ABCE1: variants seen among roughly 807,000 people sequenced by gnomAD.
The protein encoded by ABCE1 is ATP binding cassette subfamily E member 1, also known as ATP-binding cassette sub-family E member 1.
Under a neutral mutation model 83.4 loss-of-function variants are expected in ABCE1, and 22 were observed. The observed-to-expected ratio is 0.26, with a 90% CI of 0.19 to 0.38. The LOEUF (loss-of-function observed/expected upper bound fraction) is 0.38. Ranked by LOEUF, ABCE1 falls within the 10% of genes least tolerant of loss-of-function variation. The probability of loss-of-function intolerance (pLI) is 1.00; values close to 1 mark genes in which losing one functional copy is unlikely to be tolerated. For missense variants in ABCE1, 330 were observed against 721.9 expected (o/e 0.46, Z 6.22); for synonymous variants, 204 against 233.7 (o/e 0.87, Z 1.16).
chr4:145,124,906 T>TA (rs1308691634), intron 16 of ABCE1, 84 bp from the exon 17 acceptor site: 1 of 882,542 alleles, frequency 1.1e-6, no homozygotes, highest in African/African-American at 1.7e-5. Flanking sequence ...GAGGTAATAG[T>TA]AATTCTTAAT....
intron 4 of ABCE1, 102 bp downstream of exon 4, chr4:145,108,214 G>A: frequency 1.0e-6 from 1 of 961,060 alleles, no homozygotes; most frequent in Non-Finnish European, 1.6e-6. Flanking sequence ...CTATTAACCA[G>A]TCACTAAAGG....
intron 1 of ABCE1, among the ~76,000 whole-genome samples, chr4:145,102,792 TA>T (rs1003873861): frequency 1.1e-4 from 16 of 152,236 alleles, no homozygotes; most frequent in Non-Finnish European, 1.5e-4. Flanking sequence ...GGGGGTGAAC[TA>T]AAAAGATAAG....
chr4:145,110,739 G>A (rs1749447174), intron 7 of ABCE1: 2 of 545,104 alleles, frequency 3.7e-6, no homozygotes, highest in Admixed American at 3.5e-5. Context: ...TAGGATTACA[G>A]GCGTGAGCCA....
At position 145,105,059 on chromosome 4, in the gene ABCE1, C is replaced by A. The variant is rs6852390; in HGVS notation, c.103+544C>A. Among the ~76,000 whole-genome samples, 667 of 152,076 alleles carry A rather than the reference C, an allele frequency of 4.4e-3. 3 individuals carry two copies. The highest frequency in any genetic ancestry group is 0.015 in the African/African-American group (613 of 41,522). ...TACGAATGAGGCATAGAATTACTGACTCTTAGAATTACTGAAACTTAGAAA... is the reference window on the plus strand; with the variant it reads ...TACGAATGAGGCATAGAATTACTGAATCTTAGAATTACTGAAACTTAGAAA... On this transcript the variant is annotated intron_variant, in intron 2 of 17. Transcript: ENST00000296577.
chr4:145,119,116 A>T (rs1460220395), intron 10 of ABCE1, among the ~76,000 whole-genome samples: 2 of 152,018 alleles, frequency 1.3e-5, no homozygotes, highest in Non-Finnish European at 1.5e-5. Context: ...GTCAGCAAAG[A>T]TGTATTGAAC....
intron 13 of ABCE1, 148 bp downstream of exon 13, chr4:145,121,539 C>T (rs1749744458): frequency 1.6e-6 from 1 of 625,766 alleles, no homozygotes; most frequent in Non-Finnish European, 2.8e-6. Flanking sequence ...AGAGTCCAAT[C>T]CTTGATTCAT....
chr4:145,104,558 GA>G, intron 2 of ABCE1, 43 bp downstream of exon 2: 1 of 1,305,558 alleles, frequency 7.7e-7, no homozygotes, highest in Admixed American at 2.3e-5. Context: ...AGAAAACCAT[GA>G]AAGAAATCAA....
intron 3 of ABCE1, among the ~76,000 whole-genome samples, chr4:145,107,588 A>G (rs1160767200): frequency 6.6e-6 from 1 of 152,248 alleles, no homozygotes; most frequent in Non-Finnish European, 1.5e-5. Context: ...ATCAAGTTAC[A>G]GTTGACCCAT....
intron 17 of ABCE1, among the ~76,000 whole-genome samples, chr4:145,126,179 G>T (rs1473136837): frequency 6.6e-6 from 1 of 152,122 alleles, no homozygotes; most frequent in African/African-American, 2.4e-5. Flanking sequence ...CCCTACAGTT[G>T]ATTTCCTCTG....
intron 9 of ABCE1, 82 bp from the exon 10 acceptor site, chr4:145,117,211 A>G: frequency 4.2e-6 from 5 of 1,192,022 alleles, no homozygotes; most frequent in Non-Finnish European, 5.7e-6. Flanking sequence ...AAATTTTATT[A>G]GATGTATCTC....
At chr4:145,106,190 G>A (rs1345002492) in intron 3 of ABCE1, among the ~76,000 whole-genome samples, 1 of 151,852 alleles carries the variant, frequency 6.6e-6, no homozygotes, top group African/African-American at 2.4e-5. Context: ...CTCATGAATG[G>A]TGAATTTCCA....
chr4:145,124,668 G>A (rs1301774769), intron 16 of ABCE1, among the ~76,000 whole-genome samples: 1 of 152,112 alleles, frequency 6.6e-6, no homozygotes, highest in African/African-American at 2.4e-5. Context: ...TGCAATTGGA[G>A]ATTCTGTAAT....
intron 10 of ABCE1, among the ~76,000 whole-genome samples, chr4:145,119,051 A>G (rs890170038): frequency 1.3e-5 from 2 of 151,864 alleles, no homozygotes; most frequent in Non-Finnish European, 3.0e-5. Flanking sequence ...AGATAGTTTA[A>G]GATCAAAAAA....
intron 1 of ABCE1, among the ~76,000 whole-genome samples, chr4:145,100,642 T>C (rs1749123492): frequency 6.6e-6 from 1 of 152,244 alleles, no homozygotes; most frequent in Non-Finnish European, 1.5e-5. Flanking sequence ...TTTCTTCCTC[T>C]TCTAATCTTT....
intron 8 of ABCE1, among the ~76,000 whole-genome samples, chr4:145,111,606 C>T (rs770441510): frequency 2.0e-5 from 3 of 152,302 alleles, no homozygotes; most frequent in Admixed American, 6.5e-5. Flanking sequence ...GGATTACAGG[C>T]GTGAGCCACC....
Position 145,112,967 on chromosome 4 carries a change from A to G in ABCE1, c.800+639A>G, listed in dbSNP as rs146029345. Among the ~76,000 whole-genome samples, 556 of 152,226 alleles carry G rather than the reference A, an allele frequency of 3.7e-3. 1 individual carries two copies. Among genetic ancestry groups the G allele is most frequent in the Non-Finnish European group, 6.7e-3 (453 of 68,000 alleles). On this transcript the variant is annotated intron_variant, in intron 9 of 17. Coordinates refer to ENST00000296577, the MANE Select transcript of ABCE1 (RefSeq NM_002940.3). ...CCAGACCCCAGGGGTTTTTTTCTGTATAGTATTTTCTGTGTTATACTGCCT... is the reference window on the plus strand; with the variant it reads ...CCAGACCCCAGGGGTTTTTTTCTGTGTAGTATTTTCTGTGTTATACTGCCT...
At chr4:145,106,320 A>G (rs1329298111) in intron 3 of ABCE1, among the ~76,000 whole-genome samples, 1 of 152,030 alleles carries the variant, frequency 6.6e-6, no homozygotes, top group African/African-American at 2.4e-5. Flanking sequence ...CTATTGTTCA[A>G]ATAAATCGTG....
chr4:145,108,142 G>A, intron 4 of ABCE1, 30 bp downstream of exon 4: 1 of 1,581,374 alleles, frequency 6.3e-7, no homozygotes, highest in South Asian at 1.1e-5. Flanking sequence ...TTCCTCTTCT[G>A]TCAAGTTAAG....
rs6834064 is a variant in ABCE1 at position 145,105,309 on chromosome 4, A to T, written c.104-296A>T. Among the ~76,000 whole-genome samples the T allele has an allele frequency of 4.4e-3, 668 of 152,176 alleles. 3 individuals carry two copies. The highest frequency in any genetic ancestry group is 0.015 in the African/African-American group (614 of 41,554). ...TTAATCAGCTTAAAAATATTTCAGG[A>T]TATGTCATACTTTTACTAGCATATT... On this transcript the variant is annotated intron_variant, in intron 2 of 17. Transcript: ENST00000296577.
Sources: gnomAD v4.1 joint callset for allele counts (sites outside exome capture counted in the v4.1 genomes callset) on GRCh38, gnomAD v4.1.1 for gene constraint, MANE v1.5 for transcripts, NCBI Gene and HGNC (gene_info 2026-07-23, HGNC 2026-07-21) for gene names.